RUNX1: variants seen among roughly 807,000 people sequenced by gnomAD.
The protein encoded by RUNX1 is RUNX family transcription factor 1.
Under a neutral mutation model 42.8 loss-of-function variants are expected in RUNX1, and 19 were observed. That is an observed-to-expected ratio of 0.44 (90% CI 0.31 to 0.65). RUNX1 has a LOEUF of 0.65. Among genes scored for constraint, RUNX1 ranks in the 30% least tolerant of loss-of-function variants. RUNX1 has a pLI of 0.07. For missense variants in RUNX1, 528 were observed against 672.0 expected (o/e 0.79, Z 2.37); for synonymous variants, 271 against 289.4 (o/e 0.94, Z 0.64).
intron 7 of RUNX1, among the ~76,000 whole-genome samples, chr21:34,822,281 C>G (rs1416031968): frequency 1.3e-5 from 2 of 152,228 alleles, no homozygotes; most frequent in Admixed American, 1.3e-4. Flanking sequence ...ATGCTTCCCC[C>G]TAACCATGTC....
intron 2 of RUNX1, among the ~76,000 whole-genome samples, chr21:35,024,619 T>G (rs2059222681): frequency 6.6e-6 from 1 of 152,232 alleles, no homozygotes; most frequent in Non-Finnish European, 1.5e-5. Context: ...AGTTATATAG[T>G]TAGGTTCCTG....
chr21:34,807,427 C>A (rs1389570078), intron 7 of RUNX1, among the ~76,000 whole-genome samples: 4 of 152,172 alleles, frequency 2.6e-5, no homozygotes, highest in Non-Finnish European at 5.9e-5. Context: ...AACGCCAGGT[C>A]TTTCAGTCAT....
chr21:35,022,549 C>T (rs1326320444), intron 2 of RUNX1, among the ~76,000 whole-genome samples: 1 of 152,188 alleles, frequency 6.6e-6, no homozygotes. Context: ...GCATTTCCAC[C>T]ATTTAGAGAT....
At chr21:34,913,148 G>T (rs921541301) in intron 2 of RUNX1, among the ~76,000 whole-genome samples, 4 of 152,286 alleles carry the variant, frequency 2.6e-5, no homozygotes, top group Middle Eastern at 6.8e-3. Context: ...AGGAAGAATT[G>T]CTTGAACCCG....
At chr21:34,887,241 GTGGGGGGGGGCGGGGGT>G in intron 3 of RUNX1, 145 bp from the exon 4 acceptor site, 1 of 968,566 alleles carries the variant, frequency 1.0e-6, no homozygotes, top group Non-Finnish European at 1.4e-6. Flanking sequence ...ACTGCGGGGG[GTGGGGGGGGGCGGGGGT>G]GGTTAGGGGA....
In RUNX1 at chr21:34,867,655, C is replaced by T. The variant is rs190196459; in HGVS notation, c.509-8077G>A. The stretch of plus-strand genomic sequence containing the variant: ...CTATCCCACAAAACACCATGATGTT[C>T]TCATGCAATCTTGCATTTCCTTTCC... On this transcript the variant is annotated intron_variant, in intron 5 of 8. Transcript: ENST00000675419. Among the ~76,000 whole-genome samples the T allele has an allele frequency of 3.9e-5, 6 of 152,316 alleles. No individual in the cohort carries two copies. The East Asian group carries it at 9.6e-4, about 24-fold the overall frequency.
chr21:34,914,503 T>C (rs1439039660), intron 2 of RUNX1, among the ~76,000 whole-genome samples: 1 of 152,092 alleles, frequency 6.6e-6, no homozygotes, highest in Non-Finnish European at 1.5e-5. Context: ...CTTGACAGGG[T>C]CATTTCACGG....
intron 7 of RUNX1, among the ~76,000 whole-genome samples, chr21:34,808,752 GGCT>G (rs1178689862): frequency 1.3e-5 from 2 of 152,188 alleles, no homozygotes; most frequent in Non-Finnish European, 2.9e-5. Context: ...TGCACCACGA[GGCT>G]GCTACCCTCA....
intron 3 of RUNX1, among the ~76,000 whole-genome samples, chr21:34,891,523 T>G (rs1019726100): frequency 1.3e-5 from 2 of 152,112 alleles, no homozygotes; most frequent in Non-Finnish European, 2.9e-5. Flanking sequence ...GAGCCTGCAC[T>G]TTCAAGGACA....
At chr21:34,980,663 G>A (rs2082124859) in intron 2 of RUNX1, among the ~76,000 whole-genome samples, 1 of 151,898 alleles carries the variant, frequency 6.6e-6, no homozygotes, top group Non-Finnish European at 1.5e-5. Flanking sequence ...GGAAAGTGAA[G>A]TCTCCTCAGA....
intron 8 of RUNX1, among the ~76,000 whole-genome samples, chr21:34,794,612 C>G (rs1028783299): frequency 6.6e-6 from 1 of 152,210 alleles, no homozygotes; most frequent in Non-Finnish European, 1.5e-5. Flanking sequence ...TACAGTTTCA[C>G]CAACTGGCTT....
rs575435310 is a variant in RUNX1, at chr21:34,937,803, T to A, written c.59-44840A>T. Among the ~76,000 whole-genome samples the A allele has an allele frequency of 2.6e-5, 4 of 152,270 alleles. No individual in the cohort carries two copies. The South Asian group carries it at 8.3e-4, about 32-fold the overall frequency. On this transcript the variant is annotated intron_variant, in intron 2 of 8. Coordinates refer to ENST00000675419, the MANE Select transcript of RUNX1 (RefSeq NM_001754.5). ...CCAGTGATCCTAGTTTTCTCCTGCC[T>A]TTCCGGAGATTTTCAACAGAAAATG...
chr21:34,994,651 GTAC>G (rs2058979369), intron 2 of RUNX1, among the ~76,000 whole-genome samples: 1 of 151,758 alleles, frequency 6.6e-6, no homozygotes, highest in African/African-American at 2.4e-5. Flanking sequence ...ACATTTACGG[GTAC>G]TACGTACCCG....
At position 34,908,443 on chromosome 21, in the gene RUNX1, T is replaced by C. The variant is rs112231536; in HGVS notation, c.59-15480A>G. On this transcript the variant is annotated intron_variant, in intron 2 of 8. Coordinates refer to ENST00000675419, the MANE Select transcript of RUNX1 (RefSeq NM_001754.5). Reference sequence around the variant, plus strand: ...ATGTCCTCGGGGAAAAAAAGTAGTATAAAACATAGTCTTGGATGATACAGC... The same window carrying C: ...ATGTCCTCGGGGAAAAAAAGTAGTACAAAACATAGTCTTGGATGATACAGC... Among the ~76,000 whole-genome samples the C allele has an allele frequency of 1.7e-3, 255 of 152,310 alleles. 1 individual carries two copies. Among genetic ancestry groups the C allele is most frequent in the African/African-American group, 5.8e-3 (242 of 41,564 alleles).
chr21:34,967,955 C>T lies in RUNX1; in HGVS notation c.59-74992G>A, dbSNP rs138407300. Among the ~76,000 whole-genome samples the T allele has an allele frequency of 6.1e-3, 927 of 152,292 alleles. 3 individuals carry two copies. The highest frequency in any genetic ancestry group is 0.02 in the Middle Eastern group (6 of 294). Reference sequence around the variant, plus strand: ...CTGAGGCAACTAGAGAAACAGTGGACGCCTCCCTGGCCCCACTTCCCAGTG... The same window carrying T: ...CTGAGGCAACTAGAGAAACAGTGGATGCCTCCCTGGCCCCACTTCCCAGTG... On this transcript the variant is annotated intron_variant, in intron 2 of 8. Coordinates refer to ENST00000675419, the MANE Select transcript of RUNX1 (RefSeq NM_001754.5).
intron 6 of RUNX1, among the ~76,000 whole-genome samples, chr21:34,839,383 G>A (rs574633044): frequency 6.9e-6 from 1 of 145,650 alleles, no homozygotes; most frequent in African/African-American, 2.6e-5. Flanking sequence ...CACTCAGTGT[G>A]CCTAGAAATT....
intron 2 of RUNX1, among the ~76,000 whole-genome samples, chr21:35,046,481 T>C (rs376621718): frequency 1.3e-5 from 2 of 152,294 alleles, no homozygotes; most frequent in African/African-American, 2.4e-5. Context: ...CTGTAAATTA[T>C]AGGCAGCCAG....
chr21:34,812,421 C>A (rs1309505857), intron 7 of RUNX1, among the ~76,000 whole-genome samples: 1 of 152,150 alleles, frequency 6.6e-6, no homozygotes, highest in Non-Finnish European at 1.5e-5. Flanking sequence ...AGATAAGAGC[C>A]ATTTGTGCTT....
chr21:35,029,265 T>C (rs2059257288), intron 2 of RUNX1, among the ~76,000 whole-genome samples: 1 of 152,218 alleles, frequency 6.6e-6, no homozygotes, highest in South Asian at 2.1e-4. Flanking sequence ...AGAACAGTAG[T>C]ATACTAGTAA....
Sources: allele counts gnomAD v4.1 joint callset (sites outside exome capture counted in the v4.1 genomes callset), GRCh38; gene constraint gnomAD v4.1.1; transcripts MANE v1.5; gene names NCBI Gene and HGNC (gene_info 2026-07-23, HGNC 2026-07-21).